ZNRF1: variants seen among roughly 807,000 people sequenced by gnomAD.
ZNRF1 encodes the protein zinc and ring finger 1.
In ZNRF1, 3 loss-of-function variants were observed where a neutral mutation model predicts 18.4. That is an observed-to-expected ratio of 0.16 (90% CI 0.07 to 0.42). The LOEUF is 0.42. Among genes scored for constraint, ZNRF1 ranks in the 10% least tolerant of loss-of-function variants. The pLI is 0.99. For missense variants in ZNRF1, 310 were observed against 329.8 expected (o/e 0.94, Z 0.47); for synonymous variants, 157 against 144.2 (o/e 1.09, Z -0.64).
At chr16:75,084,072 G>A (rs868547521) in intron 1 of ZNRF1, among the ~76,000 whole-genome samples, 21 of 152,156 alleles carry the variant, frequency 1.4e-4, no homozygotes, top group African/African-American at 9.7e-5. Flanking sequence ...AGGCTTTGTC[G>A]CAACACCTGC....
chr16:75,004,087 A>C (rs72798700), intron 1 of ZNRF1, among the ~76,000 whole-genome samples: 4,582 of 152,018 alleles, frequency 0.03, 105 homozygotes, highest in Non-Finnish European at 0.046. Flanking sequence ...TGGCTTCCCA[A>C]AGTGCTGGGA....
At chr16:75,097,210 G>A (rs1567494616) in intron 2 of ZNRF1, among the ~76,000 whole-genome samples, 2 of 152,172 alleles carry the variant, frequency 1.3e-5, no homozygotes, top group Non-Finnish European at 2.9e-5. Context: ...TGACCCTCGA[G>A]TCTCTGGGCT....
chr16:75,018,816 CAT>C (rs150155161), intron 1 of ZNRF1, among the ~76,000 whole-genome samples: 6,651 of 152,050 alleles, frequency 0.044, 485 homozygotes, highest in African/African-American at 0.15. Flanking sequence ...GATTTTTGCA[CAT>C]ATGTCATAAA....
At chr16:75,036,487 A>G (rs1271892723) in intron 1 of ZNRF1, among the ~76,000 whole-genome samples, 1 of 151,416 alleles carries the variant, frequency 6.6e-6, no homozygotes, top group African/African-American at 2.4e-5. Flanking sequence ...GAATGTTTAT[A>G]TTTAATGCAG....
intron 1 of ZNRF1, among the ~76,000 whole-genome samples, chr16:75,051,648 G>C (rs1161985645): frequency 6.6e-6 from 1 of 152,130 alleles, no homozygotes; most frequent in African/African-American, 2.4e-5. Flanking sequence ...CTTGTGAGTA[G>C]CTGGGATTAC....
At chr16:75,050,050 A>G (rs1262580485) in intron 1 of ZNRF1, among the ~76,000 whole-genome samples, 1 of 152,072 alleles carries the variant, frequency 6.6e-6, no homozygotes, top group African/African-American at 2.4e-5. Flanking sequence ...CTAGAATTTC[A>G]TCATTTCAGT....
At chr16:75,091,234 C>G (rs756818108) in intron 1 of ZNRF1, among the ~76,000 whole-genome samples, 3 of 151,968 alleles carry the variant, frequency 2.0e-5, no homozygotes, top group East Asian at 3.9e-4. Context: ...TGGCGCTCAC[C>G]TGTAATCCCA....
At chr16:75,106,206 T>G in intron 3 of ZNRF1, 2 of 440,320 alleles carry the variant, frequency 4.5e-6, no homozygotes, top group South Asian at 2.6e-5. Context: ...ACAGAAAGCT[T>G]TGGTCCTTCT....
chr16:75,094,198 G>A (rs937047424), intron 2 of ZNRF1, among the ~76,000 whole-genome samples: 3 of 152,174 alleles, frequency 2.0e-5, no homozygotes, highest in Admixed American at 6.5e-5. Context: ...AGAGCTTGAC[G>A]GGGGACTATG....
At chr16:75,098,059 A>G (rs938673982) in intron 2 of ZNRF1, among the ~76,000 whole-genome samples, 2 of 152,162 alleles carry the variant, frequency 1.3e-5, no homozygotes, top group Non-Finnish European at 2.9e-5. Flanking sequence ...TAGATGCTGG[A>G]TGGGCTGGAG....
chr16:75,062,776 C>T (rs1043600988), intron 1 of ZNRF1, among the ~76,000 whole-genome samples: 9 of 152,224 alleles, frequency 5.9e-5, no homozygotes, highest in African/African-American at 2.2e-4. Flanking sequence ...ACAGGAGGAA[C>T]GAGGAGGAAT....
At chr16:75,068,188 T>A (rs2035827140) in intron 1 of ZNRF1, among the ~76,000 whole-genome samples, 1 of 88,956 alleles carries the variant, frequency 1.1e-5, no homozygotes, top group African/African-American at 4.1e-5. Context: ...GACCTTGTCT[T>A]AAAAAAAAAA....
chr16:75,000,067 C>T lies in ZNRF1; in HGVS notation c.396C>T (p.Ile132=). The T allele has an allele frequency of 1.2e-6, 2 of 1,602,466 alleles. No individual in the cohort carries two copies. Among genetic ancestry groups the T allele is most frequent in the Non-Finnish European group, 1.7e-6 (2 of 1,175,774 alleles). ...ASLADALPLH[I]APRWFSSHSG... ...TGGCGGATGCTCTACCTCTGCACAT[C>T]GCACCCAGGTGGTTCAGCTCGCATA... Residue 132 remains isoleucine, a synonymous_variant, in exon 1 of 5, where the codon ATC becomes ATT. Transcript: ENST00000335325.
chr16:75,059,312 A>G (rs1159128010), intron 1 of ZNRF1, among the ~76,000 whole-genome samples: 1 of 124,188 alleles, frequency 8.1e-6, no homozygotes, highest in African/African-American at 3.2e-5. Flanking sequence ...CAATGGCGCA[A>G]TTTTGGCTCA....
intron 1 of ZNRF1, among the ~76,000 whole-genome samples, chr16:75,070,330 C>G (rs1306599341): frequency 6.6e-6 from 1 of 152,180 alleles, no homozygotes; most frequent in Non-Finnish European, 1.5e-5. Flanking sequence ...GCTCTGCAAG[C>G]TTTTCGACTC....
chr16:75,011,778 C>G (rs768271764), intron 1 of ZNRF1, among the ~76,000 whole-genome samples: 1 of 152,128 alleles, frequency 6.6e-6, no homozygotes, highest in Non-Finnish European at 1.5e-5. Context: ...TTTAATTGAT[C>G]CATTTCCTAC....
At chr16:75,030,785 A>G (rs1323147955) in intron 1 of ZNRF1, among the ~76,000 whole-genome samples, 2 of 150,292 alleles carry the variant, frequency 1.3e-5, no homozygotes, top group East Asian at 2.0e-4. Flanking sequence ...TTAAGTTACC[A>G]TAATGTTTTC....
intron 1 of ZNRF1, among the ~76,000 whole-genome samples, chr16:75,027,696 C>T: frequency 6.6e-6 from 1 of 152,268 alleles, no homozygotes; most frequent in Middle Eastern, 3.4e-3. Context: ...GTCACACTTG[C>T]TTGGCTAAAT....
intron 1 of ZNRF1, among the ~76,000 whole-genome samples, chr16:75,035,453 C>T (rs963029001): frequency 6.6e-6 from 1 of 152,172 alleles, no homozygotes; most frequent in African/African-American, 2.4e-5. Context: ...CCCGCAAATC[C>T]GAATGGCTCT....
Sources: gnomAD v4.1 joint callset for allele counts (sites outside exome capture counted in the v4.1 genomes callset) on GRCh38, gnomAD v4.1.1 for gene constraint, MANE v1.5 for transcripts, NCBI Gene and HGNC (gene_info 2026-07-23, HGNC 2026-07-21) for gene names.